CNTN5: variants seen among roughly 807,000 people sequenced by gnomAD.
CNTN5 encodes contactin-5.
CNTN5 carries 77 observed loss-of-function variants against 129.1 expected under a neutral mutation model. The observed-to-expected ratio is 0.60, with a 90% CI of 0.50 to 0.72. The LOEUF is 0.72. CNTN5 is among the 30% of genes least tolerant of loss of function. The probability of loss-of-function intolerance (pLI) is 0.00; values close to 1 mark genes in which losing one functional copy is unlikely to be tolerated. For synonymous variants in CNTN5, 509 were observed against 465.6 expected (o/e 1.09, Z -1.20); for missense variants, 1,478 against 1,328.8 (o/e 1.11, Z -1.75).
chr11:99,286,793 G>T (rs1187970231), intron 1 of CNTN5, among the ~76,000 whole-genome samples: 1 of 151,954 alleles, frequency 6.6e-6, no homozygotes, highest in Non-Finnish European at 1.5e-5. Context: ...AATACAAAAA[G>T]AAACTTTATA....
chr11:99,162,459 A>C (rs1021361477), intron 1 of CNTN5, among the ~76,000 whole-genome samples: 3 of 152,200 alleles, frequency 2.0e-5, no homozygotes, highest in Non-Finnish European at 2.9e-5. Context: ...ATTCTGGGTC[A>C]TGCTTGGTGA....
At chr11:100,303,660 G>A (rs531265820) in intron 20 of CNTN5, among the ~76,000 whole-genome samples, 41 of 151,608 alleles carry the variant, frequency 2.7e-4, no homozygotes, top group African/African-American at 9.4e-4. Flanking sequence ...AACCTAAAAA[G>A]CCTGTCCTCA....
At chr11:99,614,940 C>G (rs564139992) in intron 3 of CNTN5, among the ~76,000 whole-genome samples, 2 of 151,350 alleles carry the variant, frequency 1.3e-5, no homozygotes, top group African/African-American at 4.9e-5. Flanking sequence ...AATGGCCGTA[C>G]TGTTGTTTAT....
At chr11:99,166,794 G>A (rs1350950720) in intron 1 of CNTN5, among the ~76,000 whole-genome samples, 2 of 135,922 alleles carry the variant, frequency 1.5e-5, no homozygotes, top group South Asian at 2.3e-4. Context: ...TCATTTCACT[G>A]TGGTCATGGT....
Position 99,625,023 on chromosome 11 carries a change from A to G in CNTN5, c.55+68754A>G, listed in dbSNP as rs147722742. On this transcript the variant is annotated intron_variant, in intron 3 of 24. Coordinates refer to ENST00000524871, the MANE Select transcript of CNTN5 (RefSeq NM_014361.4). ...TTTTGTTTACCATGTGGTGATTTCC[A>G]TTTCATTCTGCCTAGTATCTAGTCC... 1.6e-3 allele frequency among the ~76,000 whole-genome samples: 250 copies of G among 152,318 alleles called. 1 individual carries two copies. The highest frequency in any genetic ancestry group is 5.6e-3 in the African/African-American group (234 of 41,576).
chr11:100,309,763 T>C (rs1951433279), intron 21 of CNTN5: 1 of 952,246 alleles, frequency 1.1e-6, no homozygotes, highest in Non-Finnish European at 1.3e-6. Flanking sequence ...TGGTGGTTTG[T>C]CCAGTTTCCC....
At chr11:99,081,109 G>A (rs924450636) in intron 1 of CNTN5, among the ~76,000 whole-genome samples, 1 of 150,592 alleles carries the variant, frequency 6.6e-6, no homozygotes, top group South Asian at 2.1e-4. Flanking sequence ...ATAAGTTCAT[G>A]GAATAGTATT....
Position 100,163,238 on chromosome 11 carries a change from GGAGTCAGGTTACAACCT to G in CNTN5, c.1581-27882_1581-27866del, listed in dbSNP as rs538681684. ...GAGACATAATAGCTAATAAAAATAAGGAGTCAGGTTACAACCTGAGTCTCATTATAAAAATTATTACA... is the reference window on the plus strand; with the variant it reads ...GAGACATAATAGCTAATAAAAATAAGGAGTCTCATTATAAAAATTATTACA... On this transcript the variant is annotated intron_variant, in intron 13 of 24. Coordinates refer to ENST00000524871, the MANE Select transcript of CNTN5 (RefSeq NM_014361.4). Among the ~76,000 whole-genome samples, 138 of 151,656 alleles carry G rather than the reference GGAGTCAGGTTACAACCT, an allele frequency of 9.1e-4. 1 individual carries two copies. The South Asian group carries it at 0.014, about 15-fold the overall frequency.
chr11:99,134,009 C>T (rs1009576649), intron 1 of CNTN5, among the ~76,000 whole-genome samples: 1 of 152,050 alleles, frequency 6.6e-6, no homozygotes, highest in Non-Finnish European at 1.5e-5. Flanking sequence ...AATCAAATGC[C>T]TATCAATGAT....
chr11:99,581,977 C>G (rs1949617250), intron 3 of CNTN5, among the ~76,000 whole-genome samples: 2 of 152,066 alleles, frequency 1.3e-5, no homozygotes, highest in African/African-American at 4.8e-5. Flanking sequence ...TTGTTCCTTT[C>G]CATGTTTAGT....
intron 3 of CNTN5, among the ~76,000 whole-genome samples, chr11:99,814,916 G>T (rs1946535000): frequency 6.6e-6 from 1 of 152,084 alleles, no homozygotes; most frequent in Admixed American, 6.6e-5. Context: ...AAGGCAAAGG[G>T]GAGGCAGGCA....
At chr11:99,631,864 G>A (rs527936296) in intron 3 of CNTN5, among the ~76,000 whole-genome samples, 21 of 152,104 alleles carry the variant, frequency 1.4e-4, no homozygotes, top group Non-Finnish European at 2.5e-4. Context: ...CTGAAAATAG[G>A]TGAATACAAT....
chr11:99,895,478 A>G (rs1282680145), intron 6 of CNTN5, among the ~76,000 whole-genome samples: 1 of 152,220 alleles, frequency 6.6e-6, no homozygotes, highest in Non-Finnish European at 1.5e-5. Context: ...ACAAAATAAC[A>G]AGTGAATACT....
chr11:99,417,823 T>C (rs1942726195), intron 2 of CNTN5, among the ~76,000 whole-genome samples: 1 of 152,156 alleles, frequency 6.6e-6, no homozygotes, highest in African/African-American at 2.4e-5. Flanking sequence ...CTAGCTATTG[T>C]TAGACTTAAT....
Position 100,357,750 on chromosome 11 carries a change from A to G in CNTN5, c.*1530A>G, listed in dbSNP as rs1029737189. 6.6e-6 allele frequency: 1 copy of G among 151,810 alleles called. No homozygotes were observed. The highest frequency in any genetic ancestry group is 1.5e-5 in the Non-Finnish European group (1 of 67,794). 9.4% of individuals were successfully genotyped at this position (151,810 alleles called of 1,614,324 possible). On this transcript the variant is annotated 3_prime_UTR_variant, in exon 25 of 25. Transcript: ENST00000524871. ...GAAACAATATGGAGCTCAAATTGCT[A>G]GCTCTCAAGGTTAATCCTTGTAGAA...
chr11:99,509,618 C>T (rs1946758643), intron 2 of CNTN5, among the ~76,000 whole-genome samples: 1 of 151,924 alleles, frequency 6.6e-6, no homozygotes, highest in Non-Finnish European at 1.5e-5. Flanking sequence ...TTTGAAGTCT[C>T]ATAACTTAAT....
rs143039112 is a variant in CNTN5, at chr11:99,687,397, A to G, written c.55+131128A>G. 5.2e-3 allele frequency among the ~76,000 whole-genome samples: 789 copies of G among 152,242 alleles called. 7 individuals are homozygous for G. Among genetic ancestry groups the G allele is most frequent in the African/African-American group, 0.017 (725 of 41,550 alleles). ...ACATAAAGTAGTTTAGTAGCCACTG[A>G]ATTTGCCTCATTGTATGTAAAATCT... On this transcript the variant is annotated intron_variant, in intron 3 of 24. Transcript: ENST00000524871.
At chr11:99,086,267 C>T (rs535340891) in intron 1 of CNTN5, among the ~76,000 whole-genome samples, 1 of 152,358 alleles carries the variant, frequency 6.6e-6, no homozygotes, top group East Asian at 1.9e-4. Flanking sequence ...CACACACCCA[C>T]ACTCAATAGA....
intron 3 of CNTN5, among the ~76,000 whole-genome samples, chr11:99,777,792 T>C (rs1254478068): frequency 6.6e-6 from 1 of 151,790 alleles, no homozygotes; most frequent in Non-Finnish European, 1.5e-5. Context: ...CAATTCCACT[T>C]TTACATGATA....
Sources: gnomAD v4.1 joint callset for allele counts (sites outside exome capture counted in the v4.1 genomes callset) on GRCh38, gnomAD v4.1.1 for gene constraint, MANE v1.5 for transcripts, NCBI Gene and HGNC (gene_info 2026-07-23, HGNC 2026-07-21) for gene names.